The following ARMH1 variants were observed in gnomAD, a reference collection of about 807,000 sequenced individuals.
The protein encoded by ARMH1 is armadillo like helical domain containing 1, also known as armadillo-like helical domain containing protein 1.
Under a neutral mutation model 50.2 loss-of-function variants are expected in ARMH1, and 34 were observed. The observed-to-expected ratio is 0.68, with a 90% CI of 0.51 to 0.90. The LOEUF (loss-of-function observed/expected upper bound fraction) is 0.90, where lower values mean the gene tolerates loss of function less well. Ranked by LOEUF, ARMH1 falls within the 40% of genes least tolerant of loss-of-function variation. ARMH1 has a pLI of 0.00. For missense variants in ARMH1, 538 were observed against 553.9 expected (o/e 0.97, Z 0.29); for synonymous variants, 221 against 224.2 (o/e 0.99, Z 0.13).
At chr1:44,691,810 T>G (rs1461980594) in intron 2 of ARMH1, among the ~76,000 whole-genome samples, 1 of 152,154 alleles carries the variant, frequency 6.6e-6, no homozygotes, top group Non-Finnish European at 1.5e-5. Flanking sequence ...CTTAGTAAAC[T>G]AGGGGAATAT....
intron 6 of ARMH1, chr1:44,721,791 T>C (rs916318021): frequency 5.3e-5 from 8 of 151,832 alleles, no homozygotes; most frequent in South Asian, 2.1e-4. Flanking sequence ...CATTCAGCCT[T>C]GCCTAGGCAA....
At chr1:44,688,278 T>G (rs1178429372) in intron 1 of ARMH1, 1 of 152,322 alleles carries the variant, frequency 6.6e-6, no homozygotes, top group East Asian at 1.9e-4. Flanking sequence ...GTGGACGCCC[T>G]TCTGGAAGCA....
At chr1:44,680,744 G>A (rs184685522) in intron 1 of ARMH1, among the ~76,000 whole-genome samples, 9 of 152,236 alleles carry the variant, frequency 5.9e-5, no homozygotes, top group East Asian at 1.9e-4. Context: ...TACGATGATC[G>A]TAAGAGGAGA....
At chr1:44,708,352 G>A (rs913219522) in intron 6 of ARMH1, among the ~76,000 whole-genome samples, 7 of 152,242 alleles carry the variant, frequency 4.6e-5, no homozygotes, top group Non-Finnish European at 8.8e-5. Context: ...TGACTGCGGG[G>A]AGAAGAGTTT....
intron 2 of ARMH1, among the ~76,000 whole-genome samples, chr1:44,694,167 T>A (rs1645748477): frequency 6.6e-6 from 1 of 152,230 alleles, no homozygotes; most frequent in Admixed American, 6.5e-5. Flanking sequence ...TGAACAGTTG[T>A]AGATTCAGTG....
At chr1:44,701,918 CGT>C (rs1646099057) in intron 5 of ARMH1, among the ~76,000 whole-genome samples, 1 of 145,484 alleles carries the variant, frequency 6.9e-6, no homozygotes, top group African/African-American at 2.5e-5. Context: ...AAGTGAGACT[CGT>C]GTCAAAAAAA....
chr1:44,723,206 T>A (rs1195400783), intron 6 of ARMH1, among the ~76,000 whole-genome samples: 1 of 152,194 alleles, frequency 6.6e-6, no homozygotes, highest in Non-Finnish European at 1.5e-5. Flanking sequence ...GATTTTCTCT[T>A]GTGCTCCCAC....
chr1:44,706,621 T>A (rs1366614642), intron 6 of ARMH1, among the ~76,000 whole-genome samples: 1 of 152,206 alleles, frequency 6.6e-6, no homozygotes, highest in African/African-American at 2.4e-5. Context: ...ATGTCAGGCA[T>A]GTTATTCCTT....
At chr1:44,699,009 G>A (rs759483170) in intron 4 of ARMH1, among the ~76,000 whole-genome samples, 6 of 151,904 alleles carry the variant, frequency 3.9e-5, no homozygotes, top group Non-Finnish European at 5.9e-5. Context: ...TAGGCCAGGC[G>A]CGGTGGCTCA....
At chr1:44,689,237 A>G in intron 1 of ARMH1, 1 of 157,510 alleles carries the variant, frequency 6.3e-6, no homozygotes, top group Non-Finnish European at 1.4e-5. Context: ...AATTTTTTGT[A>G]TGTTTAGTAG....
intron 2 of ARMH1, among the ~76,000 whole-genome samples, chr1:44,695,669 G>T (rs917579263): frequency 6.6e-6 from 1 of 152,182 alleles, no homozygotes; most frequent in South Asian, 2.1e-4. Context: ...AGCTGGCATG[G>T]TGGCTCACCT....
At chr1:44,713,666 C>G (rs1164050766) in intron 6 of ARMH1, among the ~76,000 whole-genome samples, 2 of 152,122 alleles carry the variant, frequency 1.3e-5, no homozygotes, top group Admixed American at 1.3e-4. Flanking sequence ...GGGGGGAAAT[C>G]TTATTTCTAA....
At chr1:44,699,099 G>A (rs563292102) in intron 4 of ARMH1, among the ~76,000 whole-genome samples, 5 of 152,004 alleles carry the variant, frequency 3.3e-5, no homozygotes, top group East Asian at 3.9e-4. Context: ...TGGCTAACAC[G>A]GTGAAACCCC....
At chr1:44,710,654 G>A (rs1573438511) in intron 6 of ARMH1, among the ~76,000 whole-genome samples, 1 of 151,252 alleles carries the variant, frequency 6.6e-6, no homozygotes, top group African/African-American at 2.4e-5. Context: ...CACAGATTTG[G>A]TTTACTTCTT....
Position 44,681,609 on chromosome 1 carries a change from C to T in ARMH1, c.-23+6736C>T, listed in dbSNP as rs755001312. Among the ~76,000 whole-genome samples, 16 of 151,774 alleles carry T rather than the reference C, an allele frequency of 1.1e-4. No individual in the cohort carries two copies. Among genetic ancestry groups the T allele is most frequent in the Admixed American group, 3.3e-4 (5 of 15,230 alleles). ...GAGTAGAATGAGGGCCCTGAGAAGG[C>T]GGGGTGGATGGAGGCAGAGCTCTGG... is the stretch of plus-strand genomic sequence containing the variant. On this transcript the variant is annotated intron_variant, in intron 1 of 11. Transcript: ENST00000535358. This position sits in a 1 kb window ranked among gnomAD's most constrained non-coding sequence, Gnocchi z 4.3.
At position 44,719,025 on chromosome 1, in the gene ARMH1, G is replaced by GGAA. The variant is rs1553149910; in HGVS notation, c.725-5097_725-5096insGAA. 7.6e-5 allele frequency among the ~76,000 whole-genome samples: 6 copies of GGAA among 78,630 alleles called. No individual in the cohort carries two copies. In the Admixed American group the frequency reaches 8.9e-4, roughly 12 times the overall value. 51.6% of individuals were successfully genotyped at this position (78,630 alleles called of 152,430 possible). The stretch of plus-strand genomic sequence containing the variant: ...GGGCAACAAGAGTGAAACTGTCTCG[G>GGAA]AAAAAAAAAAAAAAAAAAAAAAGGC... On this transcript the variant is annotated intron_variant, in intron 6 of 11. Transcript: ENST00000535358.
chr1:44,705,960 G>A (rs1301414103), intron 6 of ARMH1, among the ~76,000 whole-genome samples: 1 of 152,182 alleles, frequency 6.6e-6, no homozygotes, highest in Non-Finnish European at 1.5e-5. Context: ...TACAAGGTGT[G>A]TCCTGGGAAT....
intron 6 of ARMH1, among the ~76,000 whole-genome samples, chr1:44,716,851 C>CTTT (rs758060030): frequency 4.3e-5 from 6 of 138,288 alleles, no homozygotes; most frequent in Admixed American, 7.3e-5. Flanking sequence ...ATTCTTTTTT[C>CTTT]TTTTTTTTTT....
In ARMH1 at chr1:44,681,216, C is replaced by T. The variant is rs569100766; in HGVS notation, c.-23+6343C>T. Among the ~76,000 whole-genome samples, 2 of 152,144 alleles carry T rather than the reference C, an allele frequency of 1.3e-5. No individual in the cohort carries two copies. Among genetic ancestry groups the T allele is most frequent in the South Asian group, 2.1e-4 (1 of 4,822 alleles). ...TTCACCGTGTTAGCCAGGATGGTCTCGATCTCCTGACCTCGTGATCTGTCT... is the reference window on the plus strand; with the variant it reads ...TTCACCGTGTTAGCCAGGATGGTCTTGATCTCCTGACCTCGTGATCTGTCT... On this transcript the variant is annotated intron_variant, in intron 1 of 11. Transcript: ENST00000535358. This position sits in a 1 kb window ranked among gnomAD's most constrained non-coding sequence, Gnocchi z 4.3.
Sources: gnomAD v4.1 joint callset for allele counts (sites outside exome capture counted in the v4.1 genomes callset) on GRCh38, gnomAD v4.1.1 for gene constraint, Gnocchi (gnomAD v3.1) non-coding constraint, MANE v1.5 for transcripts, NCBI Gene and HGNC (gene_info 2026-07-23, HGNC 2026-07-21) for gene names.